Variants in CCSER1 observed in about 807,000 individuals in gnomAD.
CCSER1 encodes serine-rich coiled-coil domain-containing protein 1.
In CCSER1, 41 loss-of-function variants were observed where a neutral mutation model predicts 82.0. That is an observed-to-expected ratio of 0.50 (90% CI 0.39 to 0.65). The LOEUF is 0.65. CCSER1 is among the 30% of genes least tolerant of loss of function. The pLI is 0.00. For synonymous variants in CCSER1, 414 were observed against 383.9 expected (o/e 1.08, Z -0.92); for missense variants, 1,119 against 1,064.2 (o/e 1.05, Z -0.72).
At chr4:91,447,198 G>A (rs1465107685) in intron 10 of CCSER1, among the ~76,000 whole-genome samples, 1 of 152,120 alleles carries the variant, frequency 6.6e-6, no homozygotes, top group Non-Finnish European at 1.5e-5. Flanking sequence ...GACTTTTGAG[G>A]TTACACATAA....
intron 1 of CCSER1, among the ~76,000 whole-genome samples, chr4:90,213,937 A>T (rs149135330): frequency 6.6e-6 from 1 of 152,220 alleles, no homozygotes; most frequent in African/African-American, 2.4e-5. Context: ...TGATTTAGCC[A>T]TAAAAGAGAG....
At chr4:90,653,476 C>A (rs924208147) in intron 6 of CCSER1, among the ~76,000 whole-genome samples, 3 of 151,582 alleles carry the variant, frequency 2.0e-5, no homozygotes, top group South Asian at 4.2e-4. Flanking sequence ...TATTGAAGAA[C>A]CAATGAGATA....
chr4:90,790,916 C>G (rs1200904673), intron 7 of CCSER1, among the ~76,000 whole-genome samples: 2 of 152,250 alleles, frequency 1.3e-5, no homozygotes, highest in Middle Eastern at 3.4e-3. Context: ...ATCTTAATAG[C>G]AGCACCCCAC....
chr4:91,373,169 A>C (rs929890319), intron 10 of CCSER1, among the ~76,000 whole-genome samples: 7 of 151,754 alleles, frequency 4.6e-5, no homozygotes, highest in Non-Finnish European at 1.0e-4. Context: ...ATAGGAAACT[A>C]TATATTATAG....
chr4:91,179,394 T>C (rs1158350551), intron 10 of CCSER1, among the ~76,000 whole-genome samples: 6 of 152,196 alleles, frequency 3.9e-5, no homozygotes, highest in African/African-American at 1.4e-4. Flanking sequence ...TCCTGAAGAG[T>C]GTTTTCCAAC....
chr4:91,446,303 T>G (rs901002991), intron 10 of CCSER1, among the ~76,000 whole-genome samples: 5 of 152,112 alleles, frequency 3.3e-5, no homozygotes, highest in African/African-American at 1.2e-4. Context: ...AAGAAAACAA[T>G]TATTTATTCA....
At chr4:91,270,810 T>C (rs1271362473) in intron 10 of CCSER1, among the ~76,000 whole-genome samples, 1 of 152,206 alleles carries the variant, frequency 6.6e-6, no homozygotes, top group African/African-American at 2.4e-5. Flanking sequence ...GGAGATAATA[T>C]ATGCTTCAGA....
chr4:90,550,039 A>T (rs1379316348), intron 5 of CCSER1, among the ~76,000 whole-genome samples: 1 of 152,096 alleles, frequency 6.6e-6, no homozygotes, highest in Non-Finnish European at 1.5e-5. Flanking sequence ...TTATTATCAA[A>T]ACCTTGCATT....
chr4:90,271,843 TATATATATATATATATATA>T (rs1238801217), intron 1 of CCSER1, among the ~76,000 whole-genome samples: 312 of 22,954 alleles, frequency 0.014, 7 homozygotes, highest in African/African-American at 0.081. Flanking sequence ...TATATATATA[TATATATATATATATATATA>T]TTTTTTTTTT....
intron 8 of CCSER1, among the ~76,000 whole-genome samples, chr4:90,916,150 A>G (rs1297316454): frequency 6.6e-6 from 1 of 152,164 alleles, no homozygotes; most frequent in African/African-American, 2.4e-5. Context: ...TCCTCACAGA[A>G]TTGGAAAAAA....
At chr4:90,883,719 G>A (rs763984038) in intron 8 of CCSER1, among the ~76,000 whole-genome samples, 3 of 152,164 alleles carry the variant, frequency 2.0e-5, no homozygotes, top group Admixed American at 6.6e-5. Flanking sequence ...TTCTGTCACC[G>A]TGAGGTGCTT....
chr4:90,486,028 A>G (rs911431238), intron 5 of CCSER1, among the ~76,000 whole-genome samples: 4 of 152,126 alleles, frequency 2.6e-5, no homozygotes, highest in Non-Finnish European at 5.9e-5. Context: ...CTTATTTACC[A>G]CAGAAACAAA....
At chr4:90,512,809 G>T (rs1481448325) in intron 5 of CCSER1, among the ~76,000 whole-genome samples, 1 of 151,988 alleles carries the variant, frequency 6.6e-6, no homozygotes, top group Non-Finnish European at 1.5e-5. Flanking sequence ...AGTCATTATA[G>T]TAGGAAACAA....
At chr4:91,274,032 C>T (rs952279721) in intron 10 of CCSER1, among the ~76,000 whole-genome samples, 3 of 152,096 alleles carry the variant, frequency 2.0e-5, no homozygotes, top group African/African-American at 7.2e-5. Context: ...AACTAATATA[C>T]ATATTATACC....
chr4:91,230,944 T>A (rs1013147120), intron 10 of CCSER1, among the ~76,000 whole-genome samples: 2 of 151,918 alleles, frequency 1.3e-5, no homozygotes, highest in African/African-American at 4.8e-5. Context: ...TTTAGAATAA[T>A]GTTAGTAATA....
At chr4:90,847,561 A>G (rs527289612) in intron 8 of CCSER1, among the ~76,000 whole-genome samples, 1 of 152,200 alleles carries the variant, frequency 6.6e-6, no homozygotes, top group South Asian at 2.1e-4. Flanking sequence ...TTAGTTCATC[A>G]TCTATCTAAT....
intron 10 of CCSER1, among the ~76,000 whole-genome samples, chr4:91,139,525 G>A (rs1208631764): frequency 1.3e-5 from 2 of 152,130 alleles, no homozygotes; most frequent in African/African-American, 4.8e-5. Context: ...AGATACAAGA[G>A]GTAGTGTGAT....
At chr4:91,001,667 T>C (rs745916980) in intron 9 of CCSER1, among the ~76,000 whole-genome samples, 10 of 152,174 alleles carry the variant, frequency 6.6e-5, no homozygotes, top group Non-Finnish European at 1.0e-4. Flanking sequence ...GGTGAGTCTC[T>C]TGAGAGCAAC....
intron 5 of CCSER1, among the ~76,000 whole-genome samples, chr4:90,517,462 GGT>G (rs2153621746): frequency 6.6e-6 from 1 of 152,112 alleles, no homozygotes; most frequent in African/African-American, 2.4e-5. Flanking sequence ...GATAGGTGTT[GGT>G]GCCACAAACT....
Sources: allele counts gnomAD v4.1 joint callset (sites outside exome capture counted in the v4.1 genomes callset), GRCh38; gene constraint gnomAD v4.1.1; transcripts MANE v1.5; gene names NCBI Gene and HGNC (gene_info 2026-07-23, HGNC 2026-07-21).